PTPRD: variants seen among roughly 807,000 people sequenced by gnomAD.
PTPRD encodes the protein protein tyrosine phosphatase receptor type D.
In PTPRD, 34 loss-of-function variants were observed where a neutral mutation model predicts 214.5. The ratio of observed to expected loss-of-function variants is 0.16; its 90% CI spans 0.12 to 0.21. The LOEUF (loss-of-function observed/expected upper bound fraction) is 0.21. PTPRD is among the 10% of genes least tolerant of loss of function. The pLI is 1.00. For missense variants in PTPRD, 2,545 were observed against 2,398.7 expected (o/e 1.06, Z -1.27); for synonymous variants, 1,128 against 845.7 (o/e 1.33, Z -5.79).
At chr9:8,449,684 G>C in intron 34 of PTPRD, 41 bp downstream of exon 34, 1 of 1,573,898 alleles carries the variant, frequency 6.4e-7, no homozygotes, top group Non-Finnish European at 8.7e-7. Flanking sequence ...TACAACTTCT[G>C]GGAAAGACTG....
intron 2 of PTPRD, among the ~76,000 whole-genome samples, chr9:10,591,401 C>T (rs2075406330): frequency 6.6e-6 from 1 of 151,970 alleles, no homozygotes; most frequent in Admixed American, 6.6e-5. Context: ...GTGGAGCTAT[C>T]TTAATTTTGT....
chr9:10,350,438 T>A (rs976016054), intron 2 of PTPRD, among the ~76,000 whole-genome samples: 1 of 152,072 alleles, frequency 6.6e-6, no homozygotes, highest in Non-Finnish European at 1.5e-5. Flanking sequence ...ATTTTACTTA[T>A]TATTAATAGT....
At chr9:9,642,061 T>C (rs1255991062) in intron 7 of PTPRD, among the ~76,000 whole-genome samples, 2 of 149,714 alleles carry the variant, frequency 1.3e-5, no homozygotes, top group African/African-American at 5.0e-5. Context: ...GTGGCACATA[T>C]ACACCATGGA....
chr9:8,542,314 A>G (rs992966803), intron 14 of PTPRD, among the ~76,000 whole-genome samples: 2 of 152,232 alleles, frequency 1.3e-5, no homozygotes, highest in African/African-American at 4.8e-5. Flanking sequence ...GGGAAAAGCA[A>G]AAAATAAGAA....
chr9:8,454,565 T>C (rs772905705), intron 33 of PTPRD: 4 of 1,613,026 alleles, frequency 2.5e-6, no homozygotes, highest in Admixed American at 1.7e-5. Context: ...AAGGGGTTTG[T>C]TCTCTATTCC....
intron 11 of PTPRD, among the ~76,000 whole-genome samples, chr9:9,002,519 G>A (rs191276783): frequency 6.6e-6 from 1 of 151,926 alleles, no homozygotes; most frequent in East Asian, 1.9e-4. Context: ...AATTAATTAT[G>A]TGCCTATAAT....
intron 39 of PTPRD, among the ~76,000 whole-genome samples, chr9:8,347,876 C>T (rs1294011952): frequency 3.3e-5 from 5 of 152,166 alleles, no homozygotes; most frequent in African/African-American, 1.2e-4. Context: ...CCAGCACCTT[C>T]ATCTTGGACT....
intron 11 of PTPRD, among the ~76,000 whole-genome samples, chr9:8,910,077 T>G (rs1239811574): frequency 1.3e-5 from 2 of 152,000 alleles, no homozygotes; most frequent in Non-Finnish European, 2.9e-5. Context: ...CTCGCTCTGT[T>G]GTCCAGGCTG....
intron 2 of PTPRD, among the ~76,000 whole-genome samples, chr9:10,556,569 A>T (rs551294057): frequency 6.6e-6 from 1 of 152,102 alleles, no homozygotes; most frequent in African/African-American, 2.4e-5. Context: ...AGTCCTTAAT[A>T]ATTGTTACTT....
chr9:9,473,456 T>C (rs1219517945), intron 8 of PTPRD, among the ~76,000 whole-genome samples: 2 of 152,190 alleles, frequency 1.3e-5, no homozygotes, highest in Non-Finnish European at 2.9e-5. Context: ...ATCTCTTTGA[T>C]ATATTGATTT....
chr9:9,150,476 T>C (rs2099875789), intron 10 of PTPRD, among the ~76,000 whole-genome samples: 1 of 147,752 alleles, frequency 6.8e-6, no homozygotes, highest in African/African-American at 2.5e-5. Flanking sequence ...ATATAATATA[T>C]ACTATATATA....
chr9:10,243,785 A>G (rs2091578786), intron 3 of PTPRD, among the ~76,000 whole-genome samples: 1 of 151,986 alleles, frequency 6.6e-6, no homozygotes, highest in African/African-American at 2.4e-5. Flanking sequence ...TTCACCAGTC[A>G]TATTTACAAG....
At chr9:8,743,058 A>C (rs2092279528) in intron 11 of PTPRD, among the ~76,000 whole-genome samples, 2 of 142,028 alleles carry the variant, frequency 1.4e-5, no homozygotes, top group Admixed American at 7.0e-5. Context: ...AAGGTGGGAA[A>C]CCCTGTCCTA....
intron 12 of PTPRD, among the ~76,000 whole-genome samples, chr9:8,678,064 T>G (rs1189168351): frequency 6.6e-6 from 1 of 152,140 alleles, no homozygotes; most frequent in South Asian, 2.1e-4. Context: ...GGCAGTGAAG[T>G]GTGAAAATAA....
At chr9:9,442,382 G>A (rs2088401166) in intron 8 of PTPRD, 1 of 152,346 alleles carries the variant, frequency 6.6e-6, no homozygotes. Context: ...ATATCCATTA[G>A]TGACAGGTAA....
chr9:9,960,221 T>TG (rs1422127147), intron 4 of PTPRD, among the ~76,000 whole-genome samples: 20 of 107,932 alleles, frequency 1.9e-4, no homozygotes, highest in African/African-American at 9.0e-4. Context: ...TATGAAAATT[T>TG]GAAAAAAAAA....
intron 3 of PTPRD, among the ~76,000 whole-genome samples, chr9:10,089,729 A>T (rs1195108600): frequency 6.6e-6 from 1 of 151,644 alleles, no homozygotes; most frequent in Non-Finnish European, 1.5e-5. Context: ...AATAATTCCC[A>T]ATATCTGGAA....
At chr9:10,091,931 C>T (rs2154199166) in intron 3 of PTPRD, among the ~76,000 whole-genome samples, 1 of 151,384 alleles carries the variant, frequency 6.6e-6, no homozygotes, top group East Asian at 1.9e-4. Flanking sequence ...TCCAGATGAC[C>T]TCGGCTTCAG....
At chr9:9,434,166 GA>G (rs1353145392) in intron 8 of PTPRD, among the ~76,000 whole-genome samples, 13 of 152,066 alleles carry the variant, frequency 8.5e-5, no homozygotes, top group Non-Finnish European at 1.8e-4. Context: ...CTGAATCAAT[GA>G]AAACTAAGAT....
Sources: gnomAD v4.1 joint callset for allele counts (sites outside exome capture counted in the v4.1 genomes callset) on GRCh38, gnomAD v4.1.1 for gene constraint, MANE v1.5 for transcripts, NCBI Gene and HGNC (gene_info 2026-07-23, HGNC 2026-07-21) for gene names.